The following STRIP1 variants were observed in gnomAD, a reference collection of about 807,000 sequenced individuals.
STRIP1 encodes the protein striatin interacting protein 1.
STRIP1 carries 63 observed loss-of-function variants against 106.2 expected under a neutral mutation model. That is an observed-to-expected ratio of 0.59 (90% confidence interval 0.48 to 0.73). The LOEUF (loss-of-function observed/expected upper bound fraction) is 0.73, where lower values mean the gene tolerates loss of function less well. Ranked by LOEUF, STRIP1 falls within the 30% of genes least tolerant of loss-of-function variation. The probability of loss-of-function intolerance (pLI) is 0.00; values close to 1 mark genes in which losing one functional copy is unlikely to be tolerated. For synonymous variants in STRIP1, 390 were observed against 413.0 expected (o/e 0.94, Z 0.67); for missense variants, 857 against 1,074.8 (o/e 0.80, Z 2.83).
chr1:110,053,076 A>G (rs766618809), intron 20 of STRIP1, among the ~76,000 whole-genome samples: 11 of 152,152 alleles, frequency 7.2e-5, no homozygotes, highest in Non-Finnish European at 1.3e-4. Flanking sequence ...CATCATACCC[A>G]GAGCTCCAGG....
At position 110,046,704 on chromosome 1, in the gene STRIP1, G is replaced by T; in HGVS notation, c.1441G>T (p.Val481Phe). The T allele has an allele frequency of 1.2e-6, 2 of 1,613,496 alleles. No homozygotes were observed. The highest frequency in any genetic ancestry group is 8.5e-7 in the Non-Finnish European group (1 of 1,179,582). ...KQHKYTSIAE[V>F]QAQMEEEYLR... ...GCACAAGTACACGTCGATTGCAGAGGTCCAGGCACAGATGGAGGAGGAATA... is the reference window on the plus strand; with the variant it reads ...GCACAAGTACACGTCGATTGCAGAGTTCCAGGCACAGATGGAGGAGGAATA... Residue 481 changes from valine to phenylalanine, a missense_variant, in exon 13 of 21, where the codon GTC (valine) becomes TTC (phenylalanine). This residue lies in a region of STRIP1 where 750 missense variants were observed against 989.8 expected (regional missense o/e 0.76). Transcript: ENST00000369795.
chr1:110,034,768 C>G lies in STRIP1; in HGVS notation c.131C>G (p.Pro44Arg). ...CCGCGGGCCGCCGCGGGCCTCCTGCCTGGGGGCAAAGCCCGCGAGTTCAAC... is the reference window on the plus strand; with the variant it reads ...CCGCGGGCCGCCGCGGGCCTCCTGCGTGGGGGCAAAGCCCGCGAGTTCAAC... ...GAPRAAAGLL[P>R]GGKAREFNRN... The change falls in exon 1 of 21, where the codon CCT (proline) becomes CGT (arginine). Residue 44 changes from proline to arginine, a missense_variant. Coordinates refer to ENST00000369795, the MANE Select transcript of STRIP1 (RefSeq NM_033088.4). The G allele has an allele frequency of 1.4e-6, 2 of 1,445,564 alleles. No individual in the cohort carries two copies. The highest frequency in any genetic ancestry group is 2.9e-5 in the East Asian group (1 of 34,172). 89.5% of individuals were successfully genotyped at this position (1,445,564 alleles called of 1,614,324 possible).
In STRIP1 at chr1:110,044,232, G is replaced by T. The variant is rs142971941; in HGVS notation, c.1286+376G>T. 5.4e-3 allele frequency among the ~76,000 whole-genome samples: 827 copies of T among 152,378 alleles called. 25 individuals are homozygous for T. The highest frequency in any genetic ancestry group is 0.049 in the East Asian group (252 of 5,192). The stretch of plus-strand genomic sequence containing the variant: ...TAGATTAAGGAAGAGTTTCTTTAGA[G>T]CCATAATGAAAATGTTTGAGATATA... On this transcript the variant is annotated intron_variant, in intron 10 of 20. Transcript: ENST00000369795.
At chr1:110,039,063 A>T (rs1299201911) in intron 3 of STRIP1, 109 bp from the exon 4 acceptor site, 17 of 1,285,888 alleles carry the variant, frequency 1.3e-5, no homozygotes, top group Non-Finnish European at 1.9e-5. Flanking sequence ...ATAGGGTGTA[A>T]CTTATCTTTC....
upstream of STRIP1, among the ~76,000 whole-genome samples, chr1:110,032,614 T>G (rs1652246894): frequency 6.6e-6 from 1 of 152,194 alleles, no homozygotes; most frequent in Admixed American, 6.5e-5. Context: ...ACTCTCGAGC[T>G]TACTTATTTA....
At position 110,043,083 on chromosome 1, in the gene STRIP1, T is replaced by TG; in HGVS notation, c.886-4dup. The TG allele has an allele frequency of 6.2e-7, 1 of 1,608,164 alleles. No individual in the cohort carries two copies. The highest frequency in any genetic ancestry group is 8.5e-7 in the Non-Finnish European group (1 of 1,177,456). ...CCTGGCTCTGCTTCCCTGTCTGTGA[T>TG]GCAGTGCACGCTAGGCGGCTTTGAG... On this transcript the variant is annotated splice_polypyrimidine_tract_variant and splice_region_variant and intron_variant, in intron 8 of 20. Coordinates refer to ENST00000369795, the MANE Select transcript of STRIP1 (RefSeq NM_033088.4).
At chr1:110,034,166 G>T (rs1446760188), upstream of STRIP1, among the ~76,000 whole-genome samples, 1 of 152,196 alleles carries the variant, frequency 6.6e-6, no homozygotes, top group African/African-American at 2.4e-5. Flanking sequence ...CGTGACTGCA[G>T]ACACTTGTTC....
chr1:110,040,272 C>G (rs936786207), intron 5 of STRIP1, among the ~76,000 whole-genome samples: 3 of 152,282 alleles, frequency 2.0e-5, no homozygotes, highest in Non-Finnish European at 4.4e-5. Context: ...ACCTCCACCT[C>G]CCGGCTTCAA....
intron 6 of STRIP1, chr1:110,041,284 A>T: frequency 2.8e-6 from 1 of 355,594 alleles, no homozygotes; most frequent in Non-Finnish European, 5.1e-6. Context: ...TTTCCTCATC[A>T]TAAACCCTGT....
In STRIP1 at chr1:110,046,675, A is replaced by G. The variant is rs775627872; in HGVS notation, c.1417-5A>G. 6.8e-6 allele frequency: 11 copies of G among 1,613,238 alleles called. 1 individual carries two copies. The South Asian group carries it at 1.2e-4, about 18-fold the overall frequency. On this transcript the variant is annotated splice_polypyrimidine_tract_variant and splice_region_variant and intron_variant, in intron 12 of 20. Transcript: ENST00000369795. ...CAGCCCTTCTTTTCCCATCTCTCCC[A>G]CCAGCACAAGTACACGTCGATTGCA...
Position 110,053,757 on chromosome 1 carries a change from C to A in STRIP1, c.2359C>A (p.His787Asn), listed in dbSNP as rs944916416. 6.2e-7 allele frequency: 1 copy of A among 1,613,980 alleles called. No individual in the cohort carries two copies. Among genetic ancestry groups the A allele is most frequent in the African/African-American group, 1.3e-5 (1 of 74,904 alleles). ...CAACGCCCGGCGCTATGACCGGGCCCACAGCAACCCTGACTTCCTGCCAGT... is the reference window on the plus strand; with the variant it reads ...CAACGCCCGGCGCTATGACCGGGCCAACAGCAACCCTGACTTCCTGCCAGT... ...RFNARRYDRAHSNPDFLPVDN... is the reference protein window; with the variant it reads ...RFNARRYDRANSNPDFLPVDN... Residue 787 changes from histidine to asparagine, a missense_variant, in exon 21 of 21, where the codon CAC becomes AAC. Transcript: ENST00000369795.
In STRIP1 at chr1:110,047,967, C is replaced by T. The variant is rs1396917159; in HGVS notation, c.1661+98C>T. On this transcript the variant is annotated intron_variant, in intron 15 of 20. Coordinates refer to ENST00000369795, the MANE Select transcript of STRIP1 (RefSeq NM_033088.4). ...CAGGTTGGTTGTTGTTGGCCCAGCT[C>T]TACAGGTTAAATGTAGGTATTTTTG... The T allele has an allele frequency of 3.9e-6, 4 of 1,018,764 alleles. No homozygotes were observed. In the East Asian group the frequency reaches 7.9e-5, roughly 20 times the overall value. 63.1% of individuals were successfully genotyped at this position (1,018,764 alleles called of 1,614,324 possible).
At chr1:110,046,569 T>G in intron 12 of STRIP1, 111 bp from the exon 13 acceptor site, 1 of 924,864 alleles carries the variant, frequency 1.1e-6, no homozygotes, top group Non-Finnish European at 1.8e-6. Context: ...GACTTAATCC[T>G]CTTTCAGAAG....
rs776856348 is a variant in STRIP1, at chr1:110,051,016, C to T, written c.2017C>T (p.Arg673Trp). 12 of 1,613,894 alleles carry T rather than the reference C, an allele frequency of 7.4e-6. No homozygotes were observed. The highest frequency in any genetic ancestry group is 4.5e-5 in the East Asian group (2 of 44,886). Reference sequence around the variant, plus strand: ...CCTCTTTTCTTGTATCAATCTGCTTCGGATCTTGAACAAGCTGACAAAGTG... The same window carrying T: ...CCTCTTTTCTTGTATCAATCTGCTTTGGATCTTGAACAAGCTGACAAAGTG... ...RNLFSCINLL[R>W]ILNKLTKWKH... The change falls in exon 19 of 21, where the codon CGG becomes TGG. Residue 673 changes from arginine to tryptophan, a missense_variant. Physicochemically the swap from Arg to Trp is moderately radical, Grantham distance 101. Transcript: ENST00000369795.
chr1:110,053,416 T>C (rs1653393090), intron 20 of STRIP1, among the ~76,000 whole-genome samples: 1 of 152,190 alleles, frequency 6.6e-6, no homozygotes, highest in African/African-American at 2.4e-5. Flanking sequence ...AGAAATGTGT[T>C]GTACACATGG....
Position 110,047,836 on chromosome 1 carries a change from A to G in STRIP1, c.1628A>G (p.Asn543Ser). Reference protein sequence around the residue: ...PTSKAKTDSINILADVLPEEM... With the variant: ...PTSKAKTDSISILADVLPEEM... Reference sequence around the variant, plus strand: ...TCAAAAGCCAAAACAGACTCAATCAACATCCTAGCGGACGTCTTGCCTGAG... The same window carrying G: ...TCAAAAGCCAAAACAGACTCAATCAGCATCCTAGCGGACGTCTTGCCTGAG... Residue 543 changes from asparagine (N) to serine (S), a missense_variant, in exon 15 of 21, where the codon AAC (asparagine) becomes AGC (serine). Transcript: ENST00000369795. 1 of 1,566,288 alleles carries G rather than the reference A, an allele frequency of 6.4e-7. No individual in the cohort carries two copies. Among genetic ancestry groups the G allele is most frequent in the African/African-American group, 1.4e-5 (1 of 74,040 alleles).
chr1:110,035,144 G>T (rs879393778), intron 1 of STRIP1, among the ~76,000 whole-genome samples: 2 of 152,158 alleles, frequency 1.3e-5, no homozygotes, highest in African/African-American at 4.8e-5. Context: ...GGGGTGAGGA[G>T]TCGGGGGTCT....
chr1:110,043,078 T>G lies in STRIP1; in HGVS notation c.886-10T>G, dbSNP rs1339371491. On this transcript the variant is annotated splice_polypyrimidine_tract_variant and intron_variant, in intron 8 of 20. Transcript: ENST00000369795. ...TTGACCCTGGCTCTGCTTCCCTGTC[T>G]GTGATGCAGTGCACGCTAGGCGGCT... The G allele has an allele frequency of 6.2e-7, 1 of 1,605,428 alleles. No homozygotes were observed.
chr1:110,041,896 T>C, intron 8 of STRIP1, 35 bp downstream of exon 8: 1 of 1,605,918 alleles, frequency 6.2e-7, no homozygotes, highest in Non-Finnish European at 8.5e-7. Flanking sequence ...AACGGTGCTA[T>C]GGGATGGGCA....
Sources: gnomAD v4.1 joint callset for allele counts (sites outside exome capture counted in the v4.1 genomes callset) on GRCh38, gnomAD v4.1.1 for gene constraint, gnomAD v4.1.1 regional missense constraint, MANE v1.5 for transcripts, NCBI Gene and HGNC (gene_info 2026-07-23, HGNC 2026-07-21) for gene names.